LRBA: variants seen among roughly 807,000 people sequenced by gnomAD.
LRBA encodes the protein LPS responsive beige-like anchor protein.
LRBA carries 176 observed loss-of-function variants against 330.0 expected under a neutral mutation model. The observed-to-expected ratio is 0.53, with a 90% CI of 0.47 to 0.60. LRBA has a LOEUF of 0.60. LRBA is among the 20% of genes least tolerant of loss of function. The pLI is 0.00. For missense variants in LRBA, 3,259 were observed against 3,444.8 expected (o/e 0.95, Z 1.35); for synonymous variants, 1,230 against 1,193.0 (o/e 1.03, Z -0.64).
chr4:150,927,369 C>T (rs528532002), intron 4 of LRBA, among the ~76,000 whole-genome samples: 131 of 145,724 alleles, frequency 9.0e-4, no homozygotes, highest in African/African-American at 3.0e-3. Context: ...CGAGACTCTG[C>T]CTTAAAAAAA....
intron 22 of LRBA, among the ~76,000 whole-genome samples, chr4:150,862,598 G>A (rs1289641774): frequency 6.6e-6 from 1 of 150,952 alleles, no homozygotes; most frequent in East Asian, 1.9e-4. Flanking sequence ...AATGGGTGCA[G>A]CACACCAACA....
At chr4:150,608,956 T>C (rs1273717514) in intron 37 of LRBA, among the ~76,000 whole-genome samples, 1 of 152,250 alleles carries the variant, frequency 6.6e-6, no homozygotes, top group Non-Finnish European at 1.5e-5. Context: ...TATTACTGAA[T>C]GATATTTCAT....
chr4:150,423,210 G>T, intron 46 of LRBA: 1 of 1,378,784 alleles, frequency 7.3e-7, no homozygotes, highest in Non-Finnish European at 1.0e-6. Context: ...CTCTGGAGAA[G>T]TCGTTCACCC....
At position 150,375,904 on chromosome 4, in the gene LRBA, C is replaced by T. The variant is rs376645244; in HGVS notation, c.7195-25745G>A. On this transcript the variant is annotated intron_variant, in intron 47 of 56. Coordinates refer to ENST00000651943, the MANE Select transcript of LRBA (RefSeq NM_001364905.1). The stretch of plus-strand genomic sequence containing the variant: ...TCTATGTGGTATTGCAGGGTGAAGT[C>T]ATAAACCCTCTATCTTCGACCATCA... Among the ~76,000 whole-genome samples, 7 of 152,188 alleles carry T rather than the reference C, an allele frequency of 4.6e-5. No individual in the cohort carries two copies. In the East Asian group the frequency reaches 9.6e-4, roughly 21 times the overall value.
intron 36 of LRBA, among the ~76,000 whole-genome samples, chr4:150,719,330 T>G (rs1267396125): frequency 1.3e-5 from 2 of 151,742 alleles, no homozygotes; most frequent in Admixed American, 6.6e-5. Context: ...AATTTCAAAT[T>G]TAAAAAAAGT....
chr4:150,506,832 T>A (rs948572592), intron 40 of LRBA, among the ~76,000 whole-genome samples: 1 of 152,172 alleles, frequency 6.6e-6, no homozygotes, highest in African/African-American at 2.4e-5. Context: ...GAAAACCCCA[T>A]TGTCTCAGGC....
chr4:150,400,040 G>C (rs1378310951), intron 47 of LRBA, among the ~76,000 whole-genome samples: 2 of 152,146 alleles, frequency 1.3e-5, no homozygotes, highest in African/African-American at 4.8e-5. Context: ...ATTTTTGTAG[G>C]CAAAGGAAAC....
At position 150,867,755 on chromosome 4, in the gene LRBA, GAA is replaced by G; in HGVS notation, c.2680_2681del (p.Phe894GlnfsTer11). The G allele has an allele frequency of 6.2e-7, 1 of 1,613,732 alleles. No homozygotes were observed. The highest frequency in any genetic ancestry group is 1.7e-5 in the Admixed American group (1 of 60,006). Reference protein sequence around the residue: ...QKITEMVYAIFRILLYHAVKY... With the variant: ...QKITEMVYAIXRILLYHAVKY... The stretch of plus-strand genomic sequence containing the variant: ...TGACTGCATGGTAAAGCAGGATTCT[GAA>G]TATGGCGTATACCATTTCTGTTATC... On this transcript the variant is annotated frameshift_variant, in exon 22 of 57. Transcript: ENST00000651943. LOFTEE classifies it high-confidence loss of function.
intron 53 of LRBA, among the ~76,000 whole-genome samples, chr4:150,293,787 T>C (rs189986788): frequency 7.2e-5 from 11 of 152,322 alleles, no homozygotes; most frequent in African/African-American, 2.6e-4. Context: ...GCCTCTGCCA[T>C]TGAGACAGCA....
chr4:150,950,849 T>C (rs1285630804), intron 2 of LRBA, among the ~76,000 whole-genome samples: 1 of 152,140 alleles, frequency 6.6e-6, no homozygotes, highest in Non-Finnish European at 1.5e-5. Flanking sequence ...CCTGGCTAAA[T>C]ATATACTTCC....
At chr4:150,571,649 GTTTTTTTTTTTT>G (rs58652637) in intron 40 of LRBA, among the ~76,000 whole-genome samples, 26 of 74,596 alleles carry the variant, frequency 3.5e-4, no homozygotes, top group African/African-American at 1.0e-3. Flanking sequence ...CTGGTTAGTT[GTTTTTTTTTTTT>G]TTTTTTTTTT....
chr4:150,402,050 A>T (rs1427902203), intron 47 of LRBA, among the ~76,000 whole-genome samples: 1 of 151,824 alleles, frequency 6.6e-6, no homozygotes, highest in Non-Finnish European at 1.5e-5. Context: ...CAGCACTTTC[A>T]GAGGCCGAGA....
At chr4:150,521,370 C>T (rs1162799571) in intron 40 of LRBA, among the ~76,000 whole-genome samples, 21 of 151,752 alleles carry the variant, frequency 1.4e-4, no homozygotes, top group Non-Finnish European at 1.5e-4. Flanking sequence ...ATAGGTTTTC[C>T]TCTAGGTACT....
chr4:150,449,022 A>G (rs72734466), intron 44 of LRBA, among the ~76,000 whole-genome samples: 56,989 of 151,800 alleles, frequency 0.38, 11,593 homozygotes, highest in Non-Finnish European at 0.47. Context: ...TAGCTCTCTA[A>G]GTAACACAGG....
At chr4:150,419,353 T>C (rs1035558513) in intron 46 of LRBA, among the ~76,000 whole-genome samples, 9 of 152,122 alleles carry the variant, frequency 5.9e-5, no homozygotes, top group Non-Finnish European at 7.4e-5. Flanking sequence ...ACCATATGTA[T>C]CTTAGACAAT....
chr4:150,354,601 G>A (rs952353350), intron 47 of LRBA, among the ~76,000 whole-genome samples: 3 of 152,212 alleles, frequency 2.0e-5, no homozygotes, highest in African/African-American at 7.2e-5. Context: ...AGTGACTAAT[G>A]TCCAATTGTT....
chr4:150,697,322 TCAGAAA>T (rs1193414539), intron 36 of LRBA, among the ~76,000 whole-genome samples: 1 of 3,336 alleles, frequency 3.0e-4, no homozygotes, highest in African/African-American at 4.3e-4. Flanking sequence ...AGACTTTGTC[TCAGAAA>T]AAAAAAAAAA....
intron 36 of LRBA, among the ~76,000 whole-genome samples, chr4:150,685,416 ATATATTTTTTTTTTTTT>A (rs2126925808): frequency 9.9e-5 from 2 of 20,128 alleles, no homozygotes; most frequent in South Asian, 6.3e-3. Flanking sequence ...ATATATATAT[ATATATTTTTTTTTTTTT>A]TTTTTTTTTT....
chr4:150,674,143 C>G (rs1049795905), intron 37 of LRBA, among the ~76,000 whole-genome samples: 3 of 149,800 alleles, frequency 2.0e-5, no homozygotes, highest in African/African-American at 7.3e-5. Context: ...TAACTAAGAA[C>G]AGTATTTACA....
Sources: gnomAD v4.1 joint callset for allele counts (sites outside exome capture counted in the v4.1 genomes callset) on GRCh38, gnomAD v4.1.1 for gene constraint, MANE v1.5 for transcripts, NCBI Gene and HGNC (gene_info 2026-07-23, HGNC 2026-07-21) for gene names.